DLG3: variants seen among roughly 807,000 people sequenced by gnomAD.
DLG3 encodes discs large MAGUK scaffold protein 3, also known as disks large homolog 3.
A neutral mutation model predicts 64.1 loss-of-function variants in DLG3; 1 was observed. That is an observed-to-expected ratio of 0.02 (90% CI 0.01 to 0.07). DLG3 has a LOEUF of 0.07. Among genes scored for constraint, DLG3 ranks in the 10% least tolerant of loss-of-function variants. DLG3 has a pLI of 1.00. For synonymous variants in DLG3, 245 were observed against 259.8 expected (o/e 0.94, Z 0.55); for missense variants, 429 against 669.5 (o/e 0.64, Z 3.96).
chrX:70,452,851 G>A (rs2086639938), intron 7 of DLG3: 1 of 863,680 alleles, frequency 1.2e-6, no homozygotes, highest in Admixed American at 3.5e-5. Flanking sequence ...CTTGCGTGGG[G>A]CTTTGGGCTC....
intron 1 of DLG3, chrX:70,448,591 A>G: frequency 8.6e-7 from 1 of 1,162,801 alleles, no homozygotes; most frequent in Non-Finnish European, 1.1e-6. Context: ...CCAGGCCTGC[A>G]CCCCTCCTAG....
At chrX:70,450,420 A>G (rs866752402) in intron 5 of DLG3, 115 bp downstream of exon 5, 2 of 1,018,174 alleles carry the variant, frequency 2.0e-6, no homozygotes, top group Middle Eastern at 5.5e-4. Flanking sequence ...GAATTTCAAG[A>G]GTTATCATCT....
At chrX:70,466,866 TA>T (rs773290983) in intron 9 of DLG3, among the ~76,000 whole-genome samples, 1 of 112,218 alleles carries the variant, frequency 8.9e-6, no homozygotes, top group South Asian at 3.8e-4. Flanking sequence ...CGAGGGCAAA[TA>T]AATACTGTCC....
At chrX:70,480,456 T>A (rs1329368320) in intron 10 of DLG3, among the ~76,000 whole-genome samples, 1 of 111,792 alleles carries the variant, frequency 8.9e-6, no homozygotes, top group Non-Finnish European at 1.9e-5. Flanking sequence ...TCTTTCCTAA[T>A]GTGAACCCTC....
intron 15 of DLG3, 126 bp from the exon 16 acceptor site, chrX:70,499,731 CCAACTGCTTGTTTTCTCCCA>C (rs1184787134): frequency 1.8e-6 from 1 of 562,251 alleles, no homozygotes; most frequent in Admixed American, 2.7e-5. Flanking sequence ...AAACCGCTTC[CCAACTGCTTGTTTTCTCCCA>C]CTTACTTGAA....
chrX:70,487,073 T>C (rs2087267857), intron 10 of DLG3, among the ~76,000 whole-genome samples: 1 of 112,528 alleles, frequency 8.9e-6, no homozygotes, highest in Non-Finnish European at 1.9e-5. Context: ...TTTTTTTGGT[T>C]ACACGAAATA....
At chrX:70,459,635 G>C (rs1476921985) in intron 9 of DLG3, among the ~76,000 whole-genome samples, 1 of 112,354 alleles carries the variant, frequency 8.9e-6, no homozygotes, top group African/African-American at 3.2e-5. Flanking sequence ...ATTTATCTTT[G>C]TGTCCCCAGC....
intron 10 of DLG3, among the ~76,000 whole-genome samples, chrX:70,483,639 A>G (rs991804047): frequency 8.9e-6 from 1 of 112,744 alleles, no homozygotes; most frequent in Non-Finnish European, 1.9e-5. Context: ...TAGAGCTGCA[A>G]CAGAGGCTCT....
At chrX:70,487,955 T>G (rs1330990962) in intron 10 of DLG3, among the ~76,000 whole-genome samples, 1 of 108,276 alleles carries the variant, frequency 9.2e-6, no homozygotes, top group African/African-American at 3.4e-5. Context: ...CCAACCAGAC[T>G]AAGTATTTAA....
chrX:70,492,479 A>G (rs2087375780), intron 11 of DLG3, 42 bp from the exon 12 acceptor site: 1 of 1,185,258 alleles, frequency 8.4e-7, no homozygotes, highest in Non-Finnish European at 1.1e-6. Flanking sequence ...TGCTGAGACC[A>G]TTTACTGGCA....
intron 9 of DLG3, among the ~76,000 whole-genome samples, chrX:70,476,469 T>C (rs902377130): frequency 3.6e-5 from 4 of 111,586 alleles, no homozygotes; most frequent in Non-Finnish European, 7.5e-5. Flanking sequence ...TAAGGGAAGC[T>C]TTTGTCCTGG....
Position 70,479,183 on chromosome X carries a change from T to C in DLG3, c.1439T>C (p.Leu480Ser). The change falls in exon 10 of 19, where the codon TTA (leucine) becomes TCA (serine). Residue 480 changes from leucine to serine, a missense_variant. Transcript: ENST00000374360. ...YSRFESKIHD[L>S]REQMMNSSMS... Reference sequence around the variant, plus strand: ...CGCTTTGAATCGAAGATACATGACTTACGAGAACAAATGATGAACAGCAGC... The same window carrying C: ...CGCTTTGAATCGAAGATACATGACTCACGAGAACAAATGATGAACAGCAGC... 8.3e-7 allele frequency: 1 copy of C among 1,211,172 alleles called. No individual in the cohort carries two copies. Among genetic ancestry groups the C allele is most frequent in the Non-Finnish European group, 1.1e-6 (1 of 894,898 alleles).
intron 13 of DLG3, among the ~76,000 whole-genome samples, chrX:70,496,822 C>T (rs1410301621): frequency 1.8e-5 from 2 of 113,025 alleles, no homozygotes; most frequent in African/African-American, 6.4e-5. Context: ...CTCTTTGCTC[C>T]TGTCACTGTC....
chrX:70,445,782 G>A (rs945743879), intron 1 of DLG3, among the ~76,000 whole-genome samples: 49 of 106,144 alleles, frequency 4.6e-4, no homozygotes, highest in Non-Finnish European at 8.2e-4. Context: ...TGTGTCAGGG[G>A]GTAAGGGCAT....
intron 15 of DLG3, among the ~76,000 whole-genome samples, chrX:70,499,560 T>C (rs776361374): frequency 8.9e-6 from 1 of 111,822 alleles, no homozygotes; most frequent in Admixed American, 9.5e-5. Flanking sequence ...GGTGTTGATG[T>C]GACTCCATTA....
At chrX:70,494,631 G>A (rs2087420557) in intron 12 of DLG3, among the ~76,000 whole-genome samples, 1 of 112,219 alleles carries the variant, frequency 8.9e-6, no homozygotes, top group Admixed American at 9.4e-5. Flanking sequence ...GAGGCCTGAG[G>A]TGATGTCACC....
rs4844120 is a variant in DLG3 at position 70,450,331 on chromosome X, C to T, written c.840+26C>T. 3.7e-3 allele frequency: 4,326 copies of T among 1,166,385 alleles called. 170 individuals are homozygous for T. In the Admixed American group the frequency reaches 0.1, roughly 28 times the overall value. On this transcript the variant is annotated intron_variant, in intron 5 of 18. Coordinates refer to ENST00000374360, the MANE Select transcript of DLG3 (RefSeq NM_021120.4). ...GTGAGACAGACTTCATGGGGATGCC[C>T]AAATGGTAGGGTAGGGAGGAGGAGC...
Position 70,476,162 on chromosome X carries a change from C to T in DLG3, c.1406-2988C>T, listed in dbSNP as rs1490940913. Among the ~76,000 whole-genome samples, 3 of 111,936 alleles carry T rather than the reference C, an allele frequency of 2.7e-5. No homozygotes were observed. In the East Asian group the frequency reaches 8.4e-4, roughly 31 times the overall value. ...ATTGTGCCCCCTCCCACTTGTTTCT[C>T]TGTGATTAGCAACTGGGAAAAAGGA... On this transcript the variant is annotated intron_variant, in intron 9 of 18. Transcript: ENST00000374360.
chrX:70,474,555 G>A (rs762044325), intron 9 of DLG3, among the ~76,000 whole-genome samples: 1 of 110,525 alleles, frequency 9.0e-6, no homozygotes, highest in South Asian at 3.9e-4. Flanking sequence ...CAGATTTAAT[G>A]TAGTCAAATT....
Sources: gnomAD v4.1 joint callset for allele counts (sites outside exome capture counted in the v4.1 genomes callset) on GRCh38, gnomAD v4.1.1 for gene constraint, MANE v1.5 for transcripts, NCBI Gene and HGNC (gene_info 2026-07-23, HGNC 2026-07-21) for gene names.